Variants in CORO2B observed in about 807,000 individuals in gnomAD.
CORO2B encodes coronin-2B.
In CORO2B, 26 loss-of-function variants were observed where a neutral mutation model predicts 58.8. The observed-to-expected ratio is 0.44, with a 90% CI of 0.32 to 0.61. The LOEUF is 0.61. CORO2B is among the 20% of genes least tolerant of loss of function. The pLI, the probability that CORO2B is intolerant of heterozygous loss-of-function variation, is 0.04. For missense variants in CORO2B, 460 were observed against 645.1 expected (o/e 0.71, Z 3.11); for synonymous variants, 242 against 253.8 (o/e 0.95, Z 0.44).
At chr15:68,581,911 G>A (rs982670935) in intron 1 of CORO2B, among the ~76,000 whole-genome samples, 3 of 152,146 alleles carry the variant, frequency 2.0e-5, no homozygotes, top group Non-Finnish European at 2.9e-5. Context: ...CCCCTTGGAC[G>A]AATGCCTTAG....
intron 2 of CORO2B, among the ~76,000 whole-genome samples, chr15:68,660,883 T>A (rs1901992323): frequency 6.6e-6 from 1 of 152,194 alleles, no homozygotes; most frequent in Admixed American, 6.5e-5. Context: ...TATGTAATCC[T>A]TCCAGATTTT....
the CORO2B span, among the ~76,000 whole-genome samples, chr15:68,540,006 T>C: frequency 6.6e-6 from 1 of 152,268 alleles, no homozygotes; most frequent in Non-Finnish European, 1.5e-5. Flanking sequence ...TTTTTGAAGA[T>C]AATTGTAGAT....
rs192189171 is a variant in CORO2B at position 68,666,170 on chromosome 15, A to C, written c.216+20810A>C. On this transcript the variant is annotated intron_variant, in intron 2 of 11. Transcript: ENST00000261861. ...TGTACTTCTCAAAGCTGAGTGTCCT[A>C]TTTGTTTGAGGTAGAGAAGAGGCTC... Among the ~76,000 whole-genome samples the C allele has an allele frequency of 3.9e-5, 6 of 152,306 alleles. No homozygotes were observed. In the East Asian group the frequency reaches 9.6e-4, roughly 24 times the overall value.
chr15:68,652,497 A>C (rs1485448430), intron 2 of CORO2B, among the ~76,000 whole-genome samples: 2 of 152,240 alleles, frequency 1.3e-5, no homozygotes, highest in Non-Finnish European at 2.9e-5. Flanking sequence ...GGCTAGAAAC[A>C]GAGCTACCTG....
chr15:68,603,994 G>A (rs1194784986), intron 1 of CORO2B, among the ~76,000 whole-genome samples: 4 of 152,164 alleles, frequency 2.6e-5, no homozygotes, highest in Non-Finnish European at 5.9e-5. Context: ...TGTGCACCAG[G>A]AGGTTCAGCA....
chr15:68,539,318 A>AGGATAAATTTGGAACTGAGAGTC, the CORO2B span, among the ~76,000 whole-genome samples: 1 of 152,240 alleles, frequency 6.6e-6, no homozygotes, highest in Non-Finnish European at 1.5e-5. Flanking sequence ...CTGGTAGTGA[A>AGGATAAATTTGGAACTGAGAGTC]GGATAAATTT....
Position 68,641,435 on chromosome 15 carries a change from T to G in CORO2B, c.16-3725T>G, listed in dbSNP as rs929017989. The G allele has an allele frequency of 1.7e-5, 12 of 713,396 alleles. No homozygotes were observed. The African/African-American group carries it at 1.7e-4, about 10-fold the overall frequency. The allele number at this position is 713,396 out of a possible 1,614,324, so 44.2% of individuals were successfully genotyped here. A position where few individuals can be genotyped will look rare whatever the true frequency, so the allele number is the denominator to read the frequency against. Reference sequence around the variant, plus strand: ...CCCTGAGGACTGGGGAGCTGGGGATTTGGGGGAGAGAGGAAAGAAGGGCAG... The same window carrying G: ...CCCTGAGGACTGGGGAGCTGGGGATGTGGGGGAGAGAGGAAAGAAGGGCAG... On this transcript the variant is annotated intron_variant, in intron 1 of 11. Coordinates refer to ENST00000261861, the MANE Select transcript of CORO2B (RefSeq NM_006091.5).
chr15:68,609,825 G>A (rs145629907), intron 1 of CORO2B, among the ~76,000 whole-genome samples: 141 of 152,294 alleles, frequency 9.3e-4, no homozygotes, highest in African/African-American at 3.1e-3. Flanking sequence ...CCTGTGAGCC[G>A]CGTCACTGAC....
intron 2 of CORO2B, among the ~76,000 whole-genome samples, chr15:68,658,338 G>A (rs982062402): frequency 2.0e-5 from 3 of 152,216 alleles, no homozygotes; most frequent in Non-Finnish European, 4.4e-5. Context: ...TCTCCAAAGC[G>A]ACAGCTGGGT....
chr15:68,710,682 G>T lies in CORO2B; in HGVS notation c.334-50G>T. 6.6e-7 allele frequency: 1 copy of T among 1,504,440 alleles called. No homozygotes were observed. The allele number at this position is 1,504,440 out of a possible 1,614,324, so 93.2% of individuals were successfully genotyped here. A position where few individuals can be genotyped will look rare whatever the true frequency, so the allele number is the denominator to read the frequency against. On this transcript the variant is annotated intron_variant, in intron 3 of 11. Transcript: ENST00000261861. The surrounding 1 kb of genome is among the most constrained non-coding windows in gnomAD (Gnocchi z 4.1). ...GAGGAAAGGGGCACCTCTCATCAAGGGACTTCTTGGCCGTGTCCACCCAGC... is the reference window on the plus strand; with the variant it reads ...GAGGAAAGGGGCACCTCTCATCAAGTGACTTCTTGGCCGTGTCCACCCAGC...
Position 68,726,162 on chromosome 15 carries a change from C to T in CORO2B, c.*188C>T. 4.3e-6 allele frequency: 3 copies of T among 704,278 alleles called. No homozygotes were observed. Among genetic ancestry groups the T allele is most frequent in the Non-Finnish European group, 6.8e-6 (3 of 443,156 alleles). 43.6% of individuals were successfully genotyped at this position (704,278 alleles called of 1,614,324 possible). A position where few individuals can be genotyped will look rare whatever the true frequency, so the allele number is the denominator to read the frequency against. ...TCCTGACCTCATGCTAATAAAAGTCCCCAGCTTCTGGAGACCCCCTGCCGG... is the reference window on the plus strand; with the variant it reads ...TCCTGACCTCATGCTAATAAAAGTCTCCAGCTTCTGGAGACCCCCTGCCGG... On this transcript the variant is annotated 3_prime_UTR_variant, in exon 12 of 12. Transcript: ENST00000261861.
At position 68,727,451 on chromosome 15, in the gene CORO2B, A is replaced by T. The variant is rs539922209; in HGVS notation, c.*1477A>T. 1 of 152,210 alleles carries T rather than the reference A, an allele frequency of 6.6e-6. No homozygotes were observed. Among genetic ancestry groups the T allele is most frequent in the African/African-American group, 2.4e-5 (1 of 41,422 alleles). The allele number at this position is 152,210 out of a possible 1,614,324, so 9.4% of individuals were successfully genotyped here. A position where few individuals can be genotyped will look rare whatever the true frequency, so the allele number is the denominator to read the frequency against. ...CAGTTTGGGGTGAGATCTGGAAATC[A>T]AGAAATGGGTGTCCACTCTTTTCTT... On this transcript the variant is annotated 3_prime_UTR_variant, in exon 12 of 12. Coordinates refer to ENST00000261861, the MANE Select transcript of CORO2B (RefSeq NM_006091.5).
chr15:68,535,064 G>A, the CORO2B span, among the ~76,000 whole-genome samples: 1 of 152,140 alleles, frequency 6.6e-6, no homozygotes, highest in Non-Finnish European at 1.5e-5. Context: ...TGAGATTTGG[G>A]TGGGGACACA....
the CORO2B span, among the ~76,000 whole-genome samples, chr15:68,555,271 A>G: frequency 6.6e-6 from 1 of 152,176 alleles, no homozygotes; most frequent in Admixed American, 6.5e-5. Context: ...TGTGTTCTCC[A>G]CACACAAACC....
At chr15:68,568,121 T>A in the CORO2B span, among the ~76,000 whole-genome samples, 1 of 152,196 alleles carries the variant, frequency 6.6e-6, no homozygotes, top group Non-Finnish European at 1.5e-5. Flanking sequence ...TGGGGTTCCT[T>A]GTAGGGTCAA....
chr15:68,686,119 C>A (rs1399042954), intron 2 of CORO2B, among the ~76,000 whole-genome samples: 1 of 146,064 alleles, frequency 6.8e-6, no homozygotes, highest in Non-Finnish European at 1.5e-5. Context: ...CTCATTGCAA[C>A]CTTCACCTCC....
intron 1 of CORO2B, among the ~76,000 whole-genome samples, chr15:68,590,583 G>T (rs927801971): frequency 6.6e-6 from 1 of 152,218 alleles, no homozygotes; most frequent in African/African-American, 2.4e-5. Flanking sequence ...GTGCTGCGGG[G>T]CCGCTGGTTT....
chr15:68,604,924 G>T (rs1205506819), intron 1 of CORO2B, among the ~76,000 whole-genome samples: 1 of 151,968 alleles, frequency 6.6e-6, no homozygotes, highest in Non-Finnish European at 1.5e-5. Context: ...GACCAATCTG[G>T]CCAACATAGT....
At chr15:68,613,608 A>T (rs1038406114) in intron 1 of CORO2B, among the ~76,000 whole-genome samples, 1 of 152,202 alleles carries the variant, frequency 6.6e-6, no homozygotes, top group African/African-American at 2.4e-5. Flanking sequence ...ATGGACTTTT[A>T]TTTTAATATA....
Sources: gnomAD v4.1 joint callset for allele counts (sites outside exome capture counted in the v4.1 genomes callset) on GRCh38, gnomAD v4.1.1 for gene constraint, Gnocchi (gnomAD v3.1) non-coding constraint, MANE v1.5 for transcripts, NCBI Gene and HGNC (gene_info 2026-07-23, HGNC 2026-07-21) for gene names.